The following ASTN2 variants were observed in gnomAD, a reference collection of about 807,000 sequenced individuals.
The protein encoded by ASTN2 is astrotactin 2.
A neutral mutation model predicts 139.8 loss-of-function variants in ASTN2; 54 were observed. The ratio of observed to expected loss-of-function variants is 0.39; its 90% CI spans 0.31 to 0.48. ASTN2 has a LOEUF of 0.48. Among genes scored for constraint, ASTN2 ranks in the 20% least tolerant of loss-of-function variants. ASTN2 has a pLI of 0.95. For synonymous variants in ASTN2, 756 were observed against 719.5 expected (o/e 1.05, Z -0.81); for missense variants, 1,565 against 1,725.1 (o/e 0.91, Z 1.64).
intron 1 of ASTN2, among the ~76,000 whole-genome samples, chr9:117,372,531 A>G (rs927712056): frequency 6.6e-6 from 1 of 152,158 alleles, no homozygotes; most frequent in Non-Finnish European, 1.5e-5. Context: ...AACTCACTTC[A>G]TCTCACTGAG....
intron 7 of ASTN2, among the ~76,000 whole-genome samples, chr9:117,001,414 T>C (rs1275886993): frequency 6.6e-6 from 1 of 152,108 alleles, no homozygotes; most frequent in African/African-American, 2.4e-5. Context: ...TTTTAGGGAG[T>C]TAGATGCTCT....
chr9:116,675,930 G>T (rs144422218), intron 16 of ASTN2, among the ~76,000 whole-genome samples: 2 of 152,188 alleles, frequency 1.3e-5, no homozygotes, highest in African/African-American at 4.8e-5. Flanking sequence ...TTGACATTGC[G>T]TGCTGAACAA....
intron 7 of ASTN2, among the ~76,000 whole-genome samples, chr9:116,994,781 C>A (rs562913617): frequency 6.6e-6 from 1 of 152,168 alleles, no homozygotes; most frequent in Non-Finnish European, 1.5e-5. Flanking sequence ...CCAGAGGAAG[C>A]CTTCCCTGAT....
intron 13 of ASTN2, among the ~76,000 whole-genome samples, chr9:116,795,498 G>T (rs1830666293): frequency 6.6e-6 from 1 of 152,222 alleles, no homozygotes; most frequent in Non-Finnish European, 1.5e-5. Context: ...GAGAGATTAT[G>T]TTTTCCCGAG....
chr9:117,176,766 C>T (rs771187171), intron 3 of ASTN2, among the ~76,000 whole-genome samples: 24 of 152,036 alleles, frequency 1.6e-4, no homozygotes, highest in Non-Finnish European at 2.9e-4. Context: ...GACTTCATCT[C>T]CAAAAAATTG....
intron 19 of ASTN2, among the ~76,000 whole-genome samples, chr9:116,513,459 G>A (rs2119198893): frequency 6.6e-6 from 1 of 152,130 alleles, no homozygotes; most frequent in South Asian, 2.1e-4. Flanking sequence ...CAACTTTGGT[G>A]AATCTGATAA....
intron 20 of ASTN2, among the ~76,000 whole-genome samples, chr9:116,459,379 A>C (rs1848420602): frequency 6.6e-6 from 1 of 152,120 alleles, no homozygotes; most frequent in Non-Finnish European, 1.5e-5. Flanking sequence ...ATTACATTAA[A>C]AGCATAAGCA....
Position 116,758,037 on chromosome 9 carries a change from C to G in ASTN2, c.2397-24514G>C, listed in dbSNP as rs144936153. 7.5e-3 allele frequency among the ~76,000 whole-genome samples: 1,142 copies of G among 152,170 alleles called. 11 individuals are homozygous for G. The highest frequency in any genetic ancestry group is 0.025 in the African/African-American group (1,032 of 41,504). Reference sequence around the variant, plus strand: ...AACTGAATGCCATTACTAGAAGAAGCCTGAGAGATCAAAATCTAGTCCAGT... The same window carrying G: ...AACTGAATGCCATTACTAGAAGAAGGCTGAGAGATCAAAATCTAGTCCAGT... On this transcript the variant is annotated intron_variant, in intron 13 of 22. Transcript: ENST00000313400.
At chr9:117,123,387 G>A (rs1829607829) in intron 4 of ASTN2, among the ~76,000 whole-genome samples, 2 of 152,000 alleles carry the variant, frequency 1.3e-5, no homozygotes, top group South Asian at 2.1e-4. Context: ...TCAAATCCAG[G>A]TTTTGCCACT....
rs1854175800 is a variant in ASTN2, at chr9:116,586,839, C to CACACACACACACAT, written c.3355+31484_3355+31485insATGTGTGTGTGTGT. ...ACACACACACACATACATACACACA[C>CACACACACACACAT]ACACACACACACACACACACACGTA... On this transcript the variant is annotated intron_variant, in intron 19 of 22. Transcript: ENST00000313400. Among the ~76,000 whole-genome samples the CACACACACACACAT allele has an allele frequency of 1.1e-4, 17 of 149,452 alleles. 1 individual carries two copies. In the East Asian group the frequency reaches 1.4e-3, roughly 12 times the overall value.
chr9:116,874,892 C>T (rs1720980039), intron 10 of ASTN2, among the ~76,000 whole-genome samples: 1 of 152,180 alleles, frequency 6.6e-6, no homozygotes. Flanking sequence ...TGGTAGTTCT[C>T]ACAATATTTC....
intron 19 of ASTN2, among the ~76,000 whole-genome samples, chr9:116,520,774 C>T (rs796950757): frequency 1.2e-4 from 19 of 152,122 alleles, no homozygotes; most frequent in African/African-American, 4.1e-4. Flanking sequence ...CCAAAAAGCT[C>T]CTAGAACTGG....
At chr9:116,530,411 C>T (rs543234213) in intron 19 of ASTN2, among the ~76,000 whole-genome samples, 1 of 151,202 alleles carries the variant, frequency 6.6e-6, no homozygotes, top group African/African-American at 2.4e-5. Flanking sequence ...TTTAAGAGAC[C>T]TATTGTACAT....
intron 7 of ASTN2, among the ~76,000 whole-genome samples, chr9:117,001,929 C>T (rs1304161469): frequency 1.3e-5 from 2 of 152,154 alleles, no homozygotes; most frequent in Non-Finnish European, 2.9e-5. Flanking sequence ...TCCCATAACA[C>T]TCAACACACC....
Position 116,697,154 on chromosome 9 carries a change from C to T in ASTN2, c.2806+28617G>A, listed in dbSNP as rs558095719. ...ACATTATGTGGACTTGCATGTTATACTTATTCCTTTTACTGTGCATAATTC... is the reference window on the plus strand; with the variant it reads ...ACATTATGTGGACTTGCATGTTATATTTATTCCTTTTACTGTGCATAATTC... On this transcript the variant is annotated intron_variant, in intron 16 of 22. Transcript: ENST00000313400. 3.1e-3 allele frequency among the ~76,000 whole-genome samples: 478 copies of T among 152,254 alleles called. 6 individuals are homozygous for T. Among genetic ancestry groups the T allele is most frequent in the Middle Eastern group, 0.017 (5 of 294 alleles).
intron 1 of ASTN2, among the ~76,000 whole-genome samples, chr9:117,394,269 C>T (rs7873200): frequency 6.6e-6 from 1 of 152,188 alleles, no homozygotes; most frequent in Non-Finnish European, 1.5e-5. Flanking sequence ...TTCTGCAATA[C>T]TGGACACGTT....
intron 10 of ASTN2, among the ~76,000 whole-genome samples, chr9:116,971,108 A>G (rs1343849640): frequency 6.6e-6 from 1 of 152,186 alleles, no homozygotes; most frequent in Non-Finnish European, 1.5e-5. Flanking sequence ...TATATGGCAT[A>G]GTATCTGGTA....
chr9:117,064,544 C>G (rs1037842419), intron 5 of ASTN2, among the ~76,000 whole-genome samples: 2 of 152,078 alleles, frequency 1.3e-5, no homozygotes, highest in Non-Finnish European at 2.9e-5. Context: ...AATGAAATAA[C>G]GCAGAAATAG....
chr9:116,830,808 AG>A (rs1272137350), intron 11 of ASTN2, among the ~76,000 whole-genome samples: 15 of 151,072 alleles, frequency 9.9e-5, no homozygotes, highest in South Asian at 2.1e-4. Context: ...AAAAAAAAGA[AG>A]AAGAAGAAAA....
Sources: gnomAD v4.1 joint callset for allele counts (sites outside exome capture counted in the v4.1 genomes callset) on GRCh38, gnomAD v4.1.1 for gene constraint, MANE v1.5 for transcripts, NCBI Gene and HGNC (gene_info 2026-07-23, HGNC 2026-07-21) for gene names.